The following NUTM2D variants were observed in gnomAD, a reference collection of about 807,000 sequenced individuals.
NUTM2D encodes the protein NUT family member 2A pseudogene.
In NUTM2D, 2 loss-of-function variants were observed where a neutral mutation model predicts 43.5. That is an observed-to-expected ratio of 0.05 (90% confidence interval 0.02 to 0.14). The LOEUF (loss-of-function observed/expected upper bound fraction) is 0.14, where lower values mean the gene tolerates loss of function less well. Among genes scored for constraint, NUTM2D ranks in the 10% least tolerant of loss-of-function variants. The pLI, the probability that NUTM2D is intolerant of heterozygous loss-of-function variation, is 1.00. For missense variants in NUTM2D, 48 were observed against 668.7 expected (o/e 0.07, Z 10.24); for synonymous variants, 24 against 276.6 (o/e 0.09, Z 9.06).
At position 87,358,371 on chromosome 10, in the gene NUTM2D, T is replaced by C. The variant is rs1448290161; in HGVS notation, c.106T>C (p.Cys36Arg). 1.2e-6 allele frequency: 2 copies of C among 1,614,018 alleles called. No homozygotes were observed. Among genetic ancestry groups the C allele is most frequent in the Admixed American group, 3.3e-5 (2 of 60,022 alleles). The stretch of plus-strand genomic sequence containing the variant: ...GGGTCTTACCCTTGGCTTTTCTCAT[T>C]GTGGAAACTGCCAGACAGCGGTAGT... Reference protein sequence around the residue: ...SLGLTLGFSHCGNCQTAVVSA... With the variant: ...SLGLTLGFSHRGNCQTAVVSA... Residue 36 changes from cysteine to arginine, a missense_variant, in exon 1 of 7, where the codon TGT becomes CGT. Transcript: ENST00000381697.
chr10:87,369,959 G>T (rs1378620795), downstream of NUTM2D: 1 of 152,046 alleles, frequency 6.6e-6, no homozygotes, highest in Non-Finnish European at 1.5e-5. Context: ...TGTGCTTTCT[G>T]ACAGCTATGA....
At chr10:87,360,206 G>T (rs1850251488) in intron 1 of NUTM2D, among the ~76,000 whole-genome samples, 1 of 78,402 alleles carries the variant, frequency 1.3e-5, no homozygotes, top group Non-Finnish European at 2.6e-5. Flanking sequence ...GACAGGGTCT[G>T]CCAGGGACAC....
rs367592491 is a variant in NUTM2D, at chr10:87,358,369, A to G, written c.104A>G (p.His35Arg). The change falls in exon 1 of 7, where the codon CAT becomes CGT. Residue 35 changes from histidine (H) to arginine (R), a missense_variant. His to Arg is a conservative substitution (Grantham distance 29, BLOSUM62 0). Coordinates refer to ENST00000381697, the MANE Select transcript of NUTM2D (RefSeq NM_001382304.1). ...HSLGLTLGFS[H>R]CGNCQTAVVS... The stretch of plus-strand genomic sequence containing the variant: ...CTGGGTCTTACCCTTGGCTTTTCTC[A>G]TTGTGGAAACTGCCAGACAGCGGTA... 1.2e-6 allele frequency: 2 copies of G among 1,613,390 alleles called. No homozygotes were observed. The highest frequency in any genetic ancestry group is 1.7e-6 in the Non-Finnish European group (2 of 1,179,450).
At chr10:87,367,374 G>T (rs1295332248), downstream of NUTM2D, 2 of 1,605,000 alleles carry the variant, frequency 1.2e-6, no homozygotes, top group Non-Finnish European at 1.7e-6. Flanking sequence ...AGATGCTGAG[G>T]AAGCCCTGAT....
downstream of NUTM2D, chr10:87,369,391 C>G (rs895620685): frequency 1.3e-5 from 2 of 151,692 alleles, no homozygotes; most frequent in Non-Finnish European, 2.9e-5. Context: ...GGGATGCTAA[C>G]CTCGGACTTC....
At chr10:87,369,305 C>A (rs570199790), downstream of NUTM2D, 1 of 151,980 alleles carries the variant, frequency 6.6e-6, no homozygotes, top group South Asian at 2.1e-4. Flanking sequence ...CTCTCTCTCT[C>A]CCTGACACGA....
chr10:87,368,058 G>A (rs1383204158), downstream of NUTM2D: 1 of 151,846 alleles, frequency 6.6e-6, no homozygotes, highest in Non-Finnish European at 1.5e-5. Context: ...GGCTGCCTGG[G>A]ATGTGGCATT....
chr10:87,369,580 C>T (rs1374169503), downstream of NUTM2D: 2 of 152,170 alleles, frequency 1.3e-5, no homozygotes, highest in Non-Finnish European at 2.9e-5. Flanking sequence ...AAAGGCTCAG[C>T]CCTTTACAAC....
At chr10:87,369,550 G>T (rs929310833), downstream of NUTM2D, 8 of 152,090 alleles carry the variant, frequency 5.3e-5, no homozygotes, top group Non-Finnish European at 7.3e-5. Flanking sequence ...TGGAAACCGT[G>T]CATCAGAGCC....
Position 87,360,674 on chromosome 10 carries a change from C to T in NUTM2D, c.360C>T (p.Gly120=), listed in dbSNP as rs1850254508. The T allele has an allele frequency of 3.9e-6, 2 of 514,212 alleles. 1 individual carries two copies. The highest frequency in any genetic ancestry group is 5.1e-6 in the Non-Finnish European group (2 of 389,640). 31.9% of individuals were successfully genotyped at this position (514,212 alleles called of 1,614,324 possible). A position where few individuals can be genotyped will look rare whatever the true frequency, so the allele number is the denominator to read the frequency against. ...PSTPLVTEQD[G]CGPSGAGASN... ...CACCTCTGGTGACAGAACAGGATGG[C>T]TGCGGCCCGAGTGGGGCCGGGGCTT... The change falls in exon 2 of 7, where the codon GGC becomes GGT. Residue 120 remains glycine, a synonymous_variant. Coordinates refer to ENST00000381697, the MANE Select transcript of NUTM2D (RefSeq NM_001382304.1).
chr10:87,366,458 C>CGCCAGGGCAGGTGGGT lies in NUTM2D; in HGVS notation c.1955_1956insGCCAGGGCAGGTGGGT (p.Cys653ProfsTer35). On this transcript the variant is annotated frameshift_variant, in exon 7 of 7. Coordinates refer to ENST00000381697, the MANE Select transcript of NUTM2D (RefSeq NM_001382304.1). LOFTEE classifies it high-confidence loss of function. ...TCTCCTCCCCAGGACCACAGACCCA[C>CGCCAGGGCAGGTGGGT]CTGCCCTGGCGTGGGTACCAAGGAT... is the stretch of plus-strand genomic sequence containing the variant. 5 of 1,315,188 alleles carry CGCCAGGGCAGGTGGGT rather than the reference C, an allele frequency of 3.8e-6. No homozygotes were observed. The highest frequency in any genetic ancestry group is 5.4e-6 in the Non-Finnish European group (5 of 920,030). The allele number at this position is 1,315,188 out of a possible 1,614,324, so 81.5% of individuals were successfully genotyped here.
chr10:87,369,675 C>T (rs1589334348), downstream of NUTM2D: 1 of 151,904 alleles, frequency 6.6e-6, no homozygotes, highest in South Asian at 2.1e-4. Flanking sequence ...TCTGTAAATA[C>T]CCATGATGTC....
downstream of NUTM2D, chr10:87,367,352 C>G (rs761880369): frequency 1.6e-5 from 25 of 1,608,248 alleles, no homozygotes; most frequent in East Asian, 5.1e-4. Flanking sequence ...TTCAGATGCT[C>G]CAGGGACTGA....
chr10:87,359,958 G>A lies in NUTM2D; in HGVS notation c.167-523G>A, dbSNP rs1850248782. Among the ~76,000 whole-genome samples, 3 of 152,238 alleles carry A rather than the reference G, an allele frequency of 2.0e-5. No individual in the cohort carries two copies. The South Asian group carries it at 6.2e-4, about 32-fold the overall frequency. ...GCTTGGGAAAGATTTCCATCCAGTG[G>A]TTTTGTTTTGTTATGTCTGAGCTGG... On this transcript the variant is annotated intron_variant, in intron 1 of 6. Coordinates refer to ENST00000381697, the MANE Select transcript of NUTM2D (RefSeq NM_001382304.1).
At chr10:87,370,008 A>G (rs1330887301), downstream of NUTM2D, 1 of 152,028 alleles carries the variant, frequency 6.6e-6, no homozygotes, top group Non-Finnish European at 1.5e-5. Flanking sequence ...TTTGTAGCTC[A>G]CTTTGATTCT....
intron 1 of NUTM2D, among the ~76,000 whole-genome samples, chr10:87,358,727 G>A (rs1850242236): frequency 1.1e-5 from 1 of 91,016 alleles, no homozygotes; most frequent in Non-Finnish European, 2.2e-5. Flanking sequence ...GTCATTGTGT[G>A]TTTGTAGGGA....
Position 87,358,411 on chromosome 10 carries a change from A to T in NUTM2D, c.146A>T (p.Glu49Val). 6.2e-7 allele frequency: 1 copy of T among 1,612,582 alleles called. No individual in the cohort carries two copies. Among genetic ancestry groups the T allele is most frequent in the African/African-American group, 1.4e-5 (1 of 73,716 alleles). Residue 49 changes from glutamate (E) to valine (V), a missense_variant, in exon 1 of 7, where the codon GAG (glutamate) becomes GTG (valine). By Grantham distance (121) the Glu-to-Val change is moderately radical (BLOSUM62 -2). Transcript: ENST00000381697. ...ACAGCGGTAGTCAGTGCCCAGCCTG[A>T]GGGGATGGCTTCAAATGGAGGTAAG... Reference protein sequence around the residue: ...CQTAVVSAQPEGMASNGAYPA... With the variant: ...CQTAVVSAQPVGMASNGAYPA...
intron 1 of NUTM2D, among the ~76,000 whole-genome samples, chr10:87,359,507 C>T (rs1390824028): frequency 7.0e-5 from 2 of 28,460 alleles, no homozygotes; most frequent in Non-Finnish European, 1.4e-4. Flanking sequence ...TTGCCTCACC[C>T]GGCCCATGGC....
At chr10:87,365,330 T>C (rs1424349605) in intron 5 of NUTM2D, 127 bp downstream of exon 5, 1 of 1,550,774 alleles carries the variant, frequency 6.4e-7, no homozygotes, top group Non-Finnish European at 8.7e-7. Flanking sequence ...AGTGTCTGTG[T>C]ATGTGATTGT....
Sources: gnomAD v4.1 joint callset for allele counts (sites outside exome capture counted in the v4.1 genomes callset) on GRCh38, gnomAD v4.1.1 for gene constraint, MANE v1.5 for transcripts, NCBI Gene and HGNC (gene_info 2026-07-23, HGNC 2026-07-21) for gene names.